NTRK2: variants seen among roughly 807,000 people sequenced by gnomAD.
NTRK2 encodes BDNF/NT-3 growth factors receptor.
A neutral mutation model predicts 94.5 loss-of-function variants in NTRK2; 13 were observed. The observed-to-expected ratio is 0.14, with a 90% CI of 0.09 to 0.22. The LOEUF is 0.22. Ranked by LOEUF, NTRK2 falls within the 10% of genes least tolerant of loss-of-function variation. The probability of loss-of-function intolerance (pLI) is 1.00; values close to 1 mark genes in which losing one functional copy is unlikely to be tolerated. For synonymous variants in NTRK2, 372 were observed against 407.4 expected, an observed-to-expected ratio of 0.91 and a Z score of 1.05; for missense variants, 639 against 1,071.2, an observed-to-expected ratio of 0.60 and a Z score of 5.63.
intron 14 of NTRK2, chr9:84,873,059 CAA>C: frequency 3.8e-6 from 4 of 1,063,868 alleles, no homozygotes; most frequent in Non-Finnish European, 4.6e-6. Flanking sequence ...CTCATTAGAT[CAA>C]AGAGTGCGGG....
chr9:84,864,123 A>G (rs748883117), intron 13 of NTRK2, among the ~76,000 whole-genome samples: 2 of 152,204 alleles, frequency 1.3e-5, no homozygotes, highest in Non-Finnish European at 2.9e-5. Flanking sequence ...TCTTCTAGGT[A>G]TCAGCCTCCT....
intron 12 of NTRK2, chr9:84,814,458 C>A: frequency 9.4e-7 from 1 of 1,065,834 alleles, no homozygotes. Context: ...CTCTCTCTCT[C>A]TAGTATTCTA....
intron 12 of NTRK2, among the ~76,000 whole-genome samples, chr9:84,818,099 C>T (rs1393817535): frequency 1.3e-5 from 2 of 152,158 alleles, no homozygotes; most frequent in Non-Finnish European, 1.5e-5. Context: ...TCATGATCCT[C>T]CCAACAACCT....
chr9:84,681,566 G>A (rs1055082991), intron 2 of NTRK2, among the ~76,000 whole-genome samples: 13 of 152,070 alleles, frequency 8.5e-5, no homozygotes, highest in African/African-American at 2.4e-4. Context: ...GTGTGGGAGT[G>A]GGGGATGGGG....
chr9:84,773,366 G>A (rs1254910523), intron 12 of NTRK2, among the ~76,000 whole-genome samples: 1 of 152,200 alleles, frequency 6.6e-6, no homozygotes, highest in Non-Finnish European at 1.5e-5. Flanking sequence ...AAATATATAA[G>A]GGCTATAGAA....
At chr9:84,775,981 T>A (rs776688014) in intron 12 of NTRK2, among the ~76,000 whole-genome samples, 1 of 152,162 alleles carries the variant, frequency 6.6e-6, no homozygotes, top group Non-Finnish European at 1.5e-5. Flanking sequence ...TTTTTCCCAG[T>A]TGCACATTTA....
chr9:84,807,310 C>G (rs887411864), intron 12 of NTRK2, among the ~76,000 whole-genome samples: 4 of 152,184 alleles, frequency 2.6e-5, no homozygotes, highest in African/African-American at 9.7e-5. Context: ...CCCTTCCCTT[C>G]CCAGTCTTTC....
chr9:84,970,614 C>T (rs1258472088), intron 17 of NTRK2, among the ~76,000 whole-genome samples: 1 of 152,104 alleles, frequency 6.6e-6, no homozygotes, highest in Non-Finnish European at 1.5e-5. Flanking sequence ...AGGGCATGCA[C>T]GCACTGGTGT....
intron 9 of NTRK2, among the ~76,000 whole-genome samples, chr9:84,736,280 C>T (rs560814399): frequency 4.6e-5 from 7 of 152,318 alleles, no homozygotes; most frequent in East Asian, 3.9e-4. Context: ...CTTCCTAATT[C>T]GGGAGCTCCT....
chr9:84,982,368 C>A (rs10120942), intron 17 of NTRK2, among the ~76,000 whole-genome samples: 76,076 of 152,020 alleles, frequency 0.5, 19,506 homozygotes, highest in Middle Eastern at 0.6. Flanking sequence ...AGAAACAGAT[C>A]TATCTGCTGG....
At chr9:85,002,796 G>A (rs1830468560) in intron 17 of NTRK2, among the ~76,000 whole-genome samples, 1 of 152,168 alleles carries the variant, frequency 6.6e-6, no homozygotes, top group Admixed American at 6.5e-5. Context: ...TGCAAGTAGG[G>A]CAGGGACAGC....
chr9:84,989,690 G>T (rs556382599), intron 17 of NTRK2, among the ~76,000 whole-genome samples: 1 of 152,192 alleles, frequency 6.6e-6, no homozygotes, highest in Non-Finnish European at 1.5e-5. Context: ...TCCAAAAGCC[G>T]CAGAGCAGAA....
chr9:84,818,663 C>T (rs1171513840), intron 12 of NTRK2, among the ~76,000 whole-genome samples: 1 of 152,206 alleles, frequency 6.6e-6, no homozygotes, highest in African/African-American at 2.4e-5. Context: ...GATGGATTTG[C>T]TGTTTTTTAT....
At chr9:84,893,432 G>C (rs996606150) in intron 14 of NTRK2, among the ~76,000 whole-genome samples, 1 of 152,138 alleles carries the variant, frequency 6.6e-6, no homozygotes, top group African/African-American at 2.4e-5. Context: ...ATTATCCCAG[G>C]AGTCAGTTCT....
At chr9:84,796,830 CT>C (rs1221198013) in intron 12 of NTRK2, among the ~76,000 whole-genome samples, 1 of 152,086 alleles carries the variant, frequency 6.6e-6, no homozygotes. Flanking sequence ...TCAAAGGAAT[CT>C]CATGAAAACA....
intron 12 of NTRK2, among the ~76,000 whole-genome samples, chr9:84,817,110 T>TGCC (rs1447051423): frequency 9.9e-5 from 15 of 152,228 alleles, no homozygotes; most frequent in Non-Finnish European, 1.5e-4. Flanking sequence ...ATGGCTCAGG[T>TGCC]AAAGCCCTTG....
chr9:84,934,320 T>G, intron 15 of NTRK2, 28 bp downstream of exon 15: 2 of 1,613,016 alleles, frequency 1.2e-6, no homozygotes, highest in Non-Finnish European at 1.7e-6. Context: ...AATGTCTCAT[T>G]AACCATGATC....
chr9:84,787,826 G>A (rs755268017), intron 12 of NTRK2, among the ~76,000 whole-genome samples: 2 of 152,210 alleles, frequency 1.3e-5, no homozygotes, highest in African/African-American at 2.4e-5. Context: ...GCAATATAGT[G>A]TATGGAGAGG....
chr9:84,977,554 A>G (rs1827045706), intron 17 of NTRK2, among the ~76,000 whole-genome samples: 1 of 152,232 alleles, frequency 6.6e-6, no homozygotes, highest in South Asian at 2.1e-4. Flanking sequence ...ATGACTGTGG[A>G]AGAACCTTGA....
Sources: allele counts gnomAD v4.1 joint callset (sites outside exome capture counted in the v4.1 genomes callset), GRCh38; gene constraint gnomAD v4.1.1; transcripts MANE v1.5; gene names NCBI Gene and HGNC (gene_info 2026-07-23, HGNC 2026-07-21).